Variants in RABGAP1L observed in about 807,000 individuals in gnomAD.
RABGAP1L encodes RAB GTPase activating protein 1 like, also known as rab GTPase-activating protein 1-like.
A neutral mutation model predicts 137.7 loss-of-function variants in RABGAP1L; 63 were observed. The observed-to-expected ratio is 0.46, with a 90% confidence interval of 0.37 to 0.56. The LOEUF (loss-of-function observed/expected upper bound fraction) is 0.56. Among genes scored for constraint, RABGAP1L ranks in the 20% least tolerant of loss-of-function variants. RABGAP1L has a pLI of 0.00. For missense variants in RABGAP1L, 1,095 were observed against 1,244.0 expected (o/e 0.88, Z 1.80); for synonymous variants, 431 against 433.7 (o/e 0.99, Z 0.08).
intron 11 of RABGAP1L, among the ~76,000 whole-genome samples, chr1:174,347,080 A>G (rs974327133): frequency 6.6e-6 from 1 of 152,186 alleles, no homozygotes; most frequent in Non-Finnish European, 1.5e-5. Flanking sequence ...CAGAGAAGAC[A>G]CTTGATATAA....
intron 7 of RABGAP1L, among the ~76,000 whole-genome samples, chr1:174,265,620 A>G (rs1175758728): frequency 2.7e-5 from 4 of 150,606 alleles, no homozygotes; most frequent in African/African-American, 9.7e-5. Context: ...TTGACCCTTT[A>G]TTAATGTGAG....
At chr1:174,676,946 G>A (rs1677673830) in intron 14 of RABGAP1L, among the ~76,000 whole-genome samples, 1 of 152,034 alleles carries the variant, frequency 6.6e-6, no homozygotes, top group Non-Finnish European at 1.5e-5. Context: ...ATCTGTAGAT[G>A]GTTTATGTTA....
intron 13 of RABGAP1L, among the ~76,000 whole-genome samples, chr1:174,574,708 T>TAA (rs1375675324): frequency 6.6e-6 from 1 of 152,210 alleles, no homozygotes; most frequent in Admixed American, 6.5e-5. Context: ...TCTCAACTGT[T>TAA]AGAGTATTCT....
At chr1:174,586,821 C>G (rs533186747) in intron 13 of RABGAP1L, among the ~76,000 whole-genome samples, 1 of 152,272 alleles carries the variant, frequency 6.6e-6, no homozygotes, top group East Asian at 1.9e-4. Context: ...ATCTCGAACT[C>G]TTGGCCTCAG....
At chr1:174,178,948 A>T in intron 1 of RABGAP1L, among the ~76,000 whole-genome samples, 1 of 152,228 alleles carries the variant, frequency 6.6e-6, no homozygotes, top group East Asian at 1.9e-4. Flanking sequence ...ATGTATACCT[A>T]TGTAACAAGC....
At chr1:174,402,527 A>T (rs1200770571) in intron 13 of RABGAP1L, among the ~76,000 whole-genome samples, 1 of 152,182 alleles carries the variant, frequency 6.6e-6, no homozygotes, top group African/African-American at 2.4e-5. Context: ...TTTTAAGATG[A>T]GTCTTGAGCC....
At chr1:174,199,065 G>GC (rs1379988644) in intron 1 of RABGAP1L, among the ~76,000 whole-genome samples, 1 of 152,098 alleles carries the variant, frequency 6.6e-6, no homozygotes, top group Non-Finnish European at 1.5e-5. Flanking sequence ...CCAAGATTGC[G>GC]CCATTGCACT....
intron 13 of RABGAP1L, among the ~76,000 whole-genome samples, chr1:174,454,784 C>T (rs1258426109): frequency 6.6e-6 from 1 of 151,932 alleles, no homozygotes; most frequent in Non-Finnish European, 1.5e-5. Flanking sequence ...CTCCTGACCT[C>T]CTCGTGTTCT....
At chr1:174,474,252 T>C (rs1374243594) in intron 13 of RABGAP1L, among the ~76,000 whole-genome samples, 1 of 152,222 alleles carries the variant, frequency 6.6e-6, no homozygotes, top group African/African-American at 2.4e-5. Context: ...CGAATGGTTC[T>C]CTGTTAATTT....
At chr1:174,503,969 T>C (rs1023854900) in intron 13 of RABGAP1L, among the ~76,000 whole-genome samples, 19 of 150,518 alleles carry the variant, frequency 1.3e-4, no homozygotes, top group Admixed American at 1.1e-3. Flanking sequence ...GACTCTTTTT[T>C]TTTTCTTTTC....
At chr1:174,168,454 G>T (rs1665089562) in intron 1 of RABGAP1L, among the ~76,000 whole-genome samples, 1 of 151,654 alleles carries the variant, frequency 6.6e-6, no homozygotes, top group African/African-American at 2.4e-5. Context: ...ATTTATTATT[G>T]CTTTTTTCCA....
At chr1:174,193,935 A>C (rs551831406) in intron 1 of RABGAP1L, among the ~76,000 whole-genome samples, 3 of 152,318 alleles carry the variant, frequency 2.0e-5, no homozygotes, top group African/African-American at 7.2e-5. Context: ...ATGGTAACTC[A>C]TTTTATGTTA....
At chr1:174,262,804 C>G (rs1203758519) in intron 7 of RABGAP1L, among the ~76,000 whole-genome samples, 1 of 152,236 alleles carries the variant, frequency 6.6e-6, no homozygotes, top group Non-Finnish European at 1.5e-5. Context: ...CTTAGCTGAT[C>G]TGCATTAATG....
At chr1:174,370,064 C>T (rs1218242802) in intron 11 of RABGAP1L, among the ~76,000 whole-genome samples, 1 of 152,208 alleles carries the variant, frequency 6.6e-6, no homozygotes, top group Non-Finnish European at 1.5e-5. Context: ...CTAAGTAATA[C>T]TACTGTTCTT....
At chr1:174,389,016 G>C (rs1687021010) in intron 12 of RABGAP1L, among the ~76,000 whole-genome samples, 1 of 150,428 alleles carries the variant, frequency 6.6e-6, no homozygotes, top group Non-Finnish European at 1.5e-5. Context: ...TGTTTTTATT[G>C]AATAAGAGAA....
intron 18 of RABGAP1L, among the ~76,000 whole-genome samples, chr1:174,810,624 T>C (rs1028201135): frequency 2.0e-5 from 3 of 152,222 alleles, no homozygotes; most frequent in African/African-American, 7.2e-5. Context: ...GTTGAAGTTT[T>C]TGACTATTAA....
chr1:174,394,128 C>T lies in RABGAP1L; in HGVS notation c.1693C>T (p.Arg565Ter), dbSNP rs753515110. Residue 565 changes from arginine (R) to a stop codon, truncating the protein, a stop_gained, in exon 13 of 26, where the codon CGA becomes TGA. Transcript: ENST00000681986. LOFTEE classifies it high-confidence loss of function. ...HDNQAMLDRY[R>*]ILITKDSAQE... ...CAACCAGGCAATGCTGGATAGATAC[C>T]GAATTCTTATCACAAAGGTAGGAAG... 11 of 1,612,880 alleles carry T rather than the reference C, an allele frequency of 6.8e-6. No homozygotes were observed. The highest frequency in any genetic ancestry group is 1.1e-5 in the South Asian group (1 of 90,844).
chr1:174,731,477 T>A (rs922910333), intron 17 of RABGAP1L, among the ~76,000 whole-genome samples: 3 of 152,250 alleles, frequency 2.0e-5, no homozygotes, highest in Non-Finnish European at 4.4e-5. Flanking sequence ...CTTTTGCTTT[T>A]ACATCTGTGA....
chr1:174,963,655 A>G (rs1476891399), intron 20 of RABGAP1L, among the ~76,000 whole-genome samples: 1 of 151,862 alleles, frequency 6.6e-6, no homozygotes, highest in Non-Finnish European at 1.5e-5. Flanking sequence ...AGAGTAGAGC[A>G]AGGATCTGCA....
Sources: gnomAD v4.1 joint callset for allele counts (sites outside exome capture counted in the v4.1 genomes callset) on GRCh38, gnomAD v4.1.1 for gene constraint, MANE v1.5 for transcripts, NCBI Gene and HGNC (gene_info 2026-07-23, HGNC 2026-07-21) for gene names.